The following MEIG1 variants were observed in gnomAD, a reference collection of about 807,000 sequenced individuals.
MEIG1 encodes the protein meiosis/spermiogenesis associated 1.
MEIG1 carries 12 observed loss-of-function variants against 11.3 expected under a neutral mutation model. That is an observed-to-expected ratio of 1.07 (90% CI 0.68 to 1.73). MEIG1 has a LOEUF of 1.73. Among genes scored for constraint, MEIG1 ranks in the 40% most tolerant of loss-of-function variants. The pLI is 0.00. For missense variants in MEIG1, 119 were observed against 104.9 expected (o/e 1.13, Z -0.59); for synonymous variants, 41 against 33.2 (o/e 1.24, Z -0.81).
chr10:14,986,310 A>G (rs547388746), intron 1 of MEIG1, among the ~76,000 whole-genome samples: 1 of 152,298 alleles, frequency 6.6e-6, no homozygotes, highest in South Asian at 2.1e-4. Flanking sequence ...GGGCAACAAG[A>G]GCGAAACTCC....
intron 1 of MEIG1, among the ~76,000 whole-genome samples, chr10:14,982,305 A>T (rs575624047): frequency 6.6e-6 from 1 of 151,858 alleles, no homozygotes; most frequent in Non-Finnish European, 1.5e-5. Context: ...TGTGGGTCCA[A>T]CTGGTGGTCG....
upstream of MEIG1, among the ~76,000 whole-genome samples, chr10:14,958,627 T>C (rs1381791606): frequency 6.6e-6 from 1 of 152,226 alleles, no homozygotes; most frequent in African/African-American, 2.4e-5. Flanking sequence ...CCGGGCGCGG[T>C]GGCTCACGCC....
At chr10:14,986,750 C>T (rs1265944926) in intron 1 of MEIG1, 5 of 328,790 alleles carry the variant, frequency 1.5e-5, no homozygotes, top group Non-Finnish European at 2.9e-5. Context: ...GCTGAGACTA[C>T]AGGCAGGCGT....
intron 2 of MEIG1, among the ~76,000 whole-genome samples, chr10:14,971,360 G>A (rs1843148347): frequency 1.3e-5 from 1 of 78,856 alleles, no homozygotes; most frequent in Non-Finnish European, 2.5e-5. Flanking sequence ...GTGAGACCCT[G>A]TCTCTACAAA....
intron 1 of MEIG1, among the ~76,000 whole-genome samples, chr10:14,983,416 C>T (rs1234961056): frequency 1.3e-5 from 2 of 151,948 alleles, no homozygotes; most frequent in East Asian, 1.9e-4. Flanking sequence ...TTCTTCCTAG[C>T]AGCCAGGAAG....
chr10:14,973,961 T>A (rs1171151746), downstream of MEIG1, among the ~76,000 whole-genome samples: 1 of 152,148 alleles, frequency 6.6e-6, no homozygotes, highest in African/African-American at 2.4e-5. Context: ...AATCACGTGC[T>A]TATTTCAGGG....
At chr10:14,960,595 T>C (rs995867910) in intron 1 of MEIG1, among the ~76,000 whole-genome samples, 1 of 152,058 alleles carries the variant, frequency 6.6e-6, no homozygotes, top group African/African-American at 2.4e-5. Context: ...ATTTTTTGTA[T>C]TTTTAGTAGA....
chr10:14,985,127 G>T (rs941335494), intron 1 of MEIG1, among the ~76,000 whole-genome samples: 7 of 151,882 alleles, frequency 4.6e-5, no homozygotes, highest in African/African-American at 1.7e-4. Flanking sequence ...ATGTCACACG[G>T]GGTGTACACA....
intron 1 of MEIG1, among the ~76,000 whole-genome samples, chr10:14,963,689 G>A (rs1271666794): frequency 6.6e-6 from 1 of 152,186 alleles, no homozygotes; most frequent in African/African-American, 2.4e-5. Flanking sequence ...ACTGGACCGG[G>A]TGCGGTGGCT....
chr10:14,979,971 T>C (rs1459102294), intron 1 of MEIG1, among the ~76,000 whole-genome samples: 4 of 152,040 alleles, frequency 2.6e-5, no homozygotes, highest in Non-Finnish European at 4.4e-5. Context: ...TACCCTAAAG[T>C]CGCAGGCTGT....
upstream of MEIG1, chr10:14,954,570 G>A: frequency 5.0e-6 from 1 of 199,438 alleles, no homozygotes; most frequent in Non-Finnish European, 1.1e-5. Flanking sequence ...GTAGATTCAG[G>A]AACTATTAAT....
intron 1 of MEIG1, among the ~76,000 whole-genome samples, chr10:14,978,984 A>C (rs1843238212): frequency 6.6e-6 from 1 of 151,930 alleles, no homozygotes; most frequent in Non-Finnish European, 1.5e-5. Context: ...TTGTGACATA[A>C]ATTAATGTCA....
upstream of MEIG1, among the ~76,000 whole-genome samples, chr10:14,954,885 A>G (rs1842897173): frequency 6.6e-6 from 1 of 152,158 alleles, no homozygotes; most frequent in Non-Finnish European, 1.5e-5. Context: ...CTTCCTATCA[A>G]ATCTCCTTAG....
upstream of MEIG1, among the ~76,000 whole-genome samples, chr10:14,956,724 A>G (rs1482761839): frequency 6.6e-6 from 1 of 152,224 alleles, no homozygotes; most frequent in South Asian, 2.1e-4. Flanking sequence ...TCTACTGTGT[A>G]TCAGACACTA....
chr10:14,961,353 C>T (rs1843010222), intron 1 of MEIG1, among the ~76,000 whole-genome samples: 2 of 152,208 alleles, frequency 1.3e-5, no homozygotes, highest in African/African-American at 4.8e-5. Context: ...AACCATTCCA[C>T]GGGACCATCT....
intron 2 of MEIG1, among the ~76,000 whole-genome samples, chr10:14,971,905 A>C (rs4294484): frequency 0.67 from 101,095 of 152,020 alleles, 33,830 homozygotes; most frequent in Admixed American, 0.69. Context: ...TCACTTGACT[A>C]CAGCAGTTCC....
At chr10:14,954,241 A>T in the MEIG1 span, 1 of 652,370 alleles carries the variant, frequency 1.5e-6, no homozygotes, top group Non-Finnish European at 2.7e-6. Flanking sequence ...GCTGCACGCG[A>T]TGGGCCCTGA....
chr10:14,956,598 CA>C (rs955482031), upstream of MEIG1, among the ~76,000 whole-genome samples: 8 of 151,910 alleles, frequency 5.3e-5, no homozygotes, highest in African/African-American at 1.7e-4. Context: ...CAAAACAAAA[CA>C]AAAAAACACA....
At chr10:14,974,482 A>G (rs1843189862), downstream of MEIG1, among the ~76,000 whole-genome samples, 1 of 152,046 alleles carries the variant, frequency 6.6e-6, no homozygotes, top group African/African-American at 2.4e-5. Flanking sequence ...CCACTACGTG[A>G]CCATCCTCCT....
Sources: gnomAD v4.1 joint callset for allele counts (sites outside exome capture counted in the v4.1 genomes callset) on GRCh38, gnomAD v4.1.1 for gene constraint, MANE v1.5 for transcripts, NCBI Gene and HGNC (gene_info 2026-07-23, HGNC 2026-07-21) for gene names.